Variants in MAF observed in about 807,000 individuals in gnomAD.
MAF encodes transcription factor Maf.
MAF carries 10 observed loss-of-function variants against 22.0 expected under a neutral mutation model. The ratio of observed to expected loss-of-function variants is 0.45; its 90% CI spans 0.28 to 0.77. The LOEUF is 0.77. Ranked by LOEUF, MAF falls within the 30% of genes least tolerant of loss-of-function variation. The pLI, the probability that MAF is intolerant of heterozygous loss-of-function variation, is 0.12. For synonymous variants in MAF, 337 were observed against 255.8 expected (o/e 1.32, Z -3.03); for missense variants, 544 against 548.4 (o/e 0.99, Z 0.08).
chr16:79,371,574 A>G, the MAF span, among the ~76,000 whole-genome samples: 1 of 151,946 alleles, frequency 6.6e-6, no homozygotes, highest in East Asian at 1.9e-4. Context: ...CCTGCTCCAT[A>G]CACACACCAA....
the MAF span, among the ~76,000 whole-genome samples, chr16:79,330,795 T>C: frequency 1.3e-5 from 2 of 152,232 alleles, no homozygotes; most frequent in African/African-American, 2.4e-5. Flanking sequence ...AAGTCAGGAA[T>C]GTGTGGCTTG....
chr16:79,508,977 C>A, the MAF span, among the ~76,000 whole-genome samples: 8 of 152,178 alleles, frequency 5.3e-5, no homozygotes, highest in African/African-American at 1.9e-4. Context: ...TAAAGGCCAA[C>A]AAATTGTATA....
the MAF span, among the ~76,000 whole-genome samples, chr16:79,528,538 CT>C: frequency 6.6e-6 from 1 of 152,078 alleles, no homozygotes; most frequent in Non-Finnish European, 1.5e-5. Flanking sequence ...CATGAAGGAT[CT>C]TGGCAGAACG....
At chr16:79,539,975 A>T in the MAF span, among the ~76,000 whole-genome samples, 1 of 152,032 alleles carries the variant, frequency 6.6e-6, no homozygotes, top group East Asian at 1.9e-4. Context: ...TAACAAAAAA[A>T]TATATATATA....
chr16:79,569,633 T>G, the MAF span, among the ~76,000 whole-genome samples: 6 of 152,230 alleles, frequency 3.9e-5, no homozygotes, highest in Non-Finnish European at 4.4e-5. Flanking sequence ...AGTTTAGAAC[T>G]CGTGCCTTAG....
the MAF span, among the ~76,000 whole-genome samples, chr16:79,402,344 A>C: frequency 2.6e-5 from 4 of 152,346 alleles, no homozygotes; most frequent in African/African-American, 9.6e-5. Context: ...AGAGAAAGCG[A>C]GCAGGAGACA....
At chr16:79,449,340 T>A in the MAF span, among the ~76,000 whole-genome samples, 9 of 152,204 alleles carry the variant, frequency 5.9e-5, no homozygotes, top group Non-Finnish European at 1.3e-4. Flanking sequence ...AACCCTGGTA[T>A]AAACATAACT....
chr16:79,382,429 C>A, the MAF span, among the ~76,000 whole-genome samples: 1 of 152,144 alleles, frequency 6.6e-6, no homozygotes, highest in African/African-American at 2.4e-5. Context: ...GTATGGTAAC[C>A]ACTGGACATA....
At chr16:79,444,677 C>A in the MAF span, among the ~76,000 whole-genome samples, 603 of 152,334 alleles carry the variant, frequency 4.0e-3, 5 homozygotes, top group African/African-American at 0.014. Context: ...GAGGCCTCGT[C>A]CCTTGGACAC....
chr16:79,448,742 A>C, the MAF span, among the ~76,000 whole-genome samples: 11 of 150,636 alleles, frequency 7.3e-5, no homozygotes, highest in Non-Finnish European at 1.6e-4. Context: ...TTTTAAATTA[A>C]GTTATATACA....
chr16:79,409,171 G>C, the MAF span, among the ~76,000 whole-genome samples: 2 of 152,018 alleles, frequency 1.3e-5, no homozygotes, highest in African/African-American at 4.8e-5. Flanking sequence ...CTTTTTAGGC[G>C]CCTTATAAAT....
At chr16:79,390,655 T>A in the MAF span, among the ~76,000 whole-genome samples, 40 of 152,294 alleles carry the variant, frequency 2.6e-4, no homozygotes, top group African/African-American at 9.6e-4. Context: ...ATTAGAGATT[T>A]CTGAATTCTT....
the MAF span, among the ~76,000 whole-genome samples, chr16:79,341,620 CTAT>C: frequency 6.7e-3 from 1,017 of 152,286 alleles, 12 homozygotes; most frequent in African/African-American, 0.023. Flanking sequence ...TGGTCATCAG[CTAT>C]TATTATTAGG....
At chr16:79,413,216 T>G in the MAF span, among the ~76,000 whole-genome samples, 3 of 12,442 alleles carry the variant, frequency 2.4e-4, no homozygotes, top group Non-Finnish European at 4.2e-4. Flanking sequence ...TGCAGTTTTT[T>G]TTTTTTTTTT....
the MAF span, among the ~76,000 whole-genome samples, chr16:79,221,334 G>A: frequency 3.9e-5 from 6 of 152,182 alleles, no homozygotes; most frequent in East Asian, 9.7e-4. Context: ...TCCTCCCTGG[G>A]AAAAAATTCA....
At chr16:79,349,028 G>C in the MAF span, among the ~76,000 whole-genome samples, 1 of 152,314 alleles carries the variant, frequency 6.6e-6, no homozygotes, top group African/African-American at 2.4e-5. Context: ...CAGATGTGGT[G>C]ATTGGCTGTA....
chr16:79,563,009 C>T, the MAF span, among the ~76,000 whole-genome samples: 1 of 152,208 alleles, frequency 6.6e-6, no homozygotes, highest in African/African-American at 2.4e-5. Flanking sequence ...TGTGCCTCCT[C>T]CTGTCCATTC....
the MAF span, among the ~76,000 whole-genome samples, chr16:79,234,108 G>A: frequency 6.6e-6 from 1 of 151,986 alleles, no homozygotes; most frequent in South Asian, 2.1e-4. Flanking sequence ...AACCTTCCTG[G>A]AGTAAGCACC....
the MAF span, among the ~76,000 whole-genome samples, chr16:79,494,004 G>C: frequency 2.6e-5 from 4 of 151,246 alleles, no homozygotes; most frequent in African/African-American, 9.7e-5. Flanking sequence ...TATGATCCTT[G>C]GGTCATTTCC....
Sources: allele counts gnomAD v4.1 joint callset (sites outside exome capture counted in the v4.1 genomes callset), GRCh38; gene constraint gnomAD v4.1.1; transcripts MANE v1.5; gene names NCBI Gene and HGNC (gene_info 2026-07-23, HGNC 2026-07-21).